The following GRIP1 variants were observed in gnomAD, a reference collection of about 807,000 sequenced individuals.
GRIP1 encodes glutamate receptor interacting protein 1, also known as glutamate receptor-interacting protein 1.
Under a neutral mutation model 129.9 loss-of-function variants are expected in GRIP1, and 45 were observed. The ratio of observed to expected loss-of-function variants is 0.35; its 90% confidence interval spans 0.27 to 0.44. GRIP1 has a LOEUF of 0.44. GRIP1 is among the 20% of genes least tolerant of loss of function. The probability of loss-of-function intolerance (pLI) is 1.00; values close to 1 mark genes in which losing one functional copy is unlikely to be tolerated. For missense variants in GRIP1, 1,196 were observed against 1,396.8 expected, an observed-to-expected ratio of 0.86 and a Z score of 2.29; for synonymous variants, 530 against 520.8, an observed-to-expected ratio of 1.02 and a Z score of -0.24.
intron 1 of GRIP1, among the ~76,000 whole-genome samples, chr12:66,659,110 A>G (rs1287674860): frequency 6.6e-6 from 1 of 152,140 alleles, no homozygotes; most frequent in African/African-American, 2.4e-5. Flanking sequence ...CTCTCTGTGT[A>G]GAATACTCTA....
At chr12:66,431,335 C>T (rs1226464948) in intron 14 of GRIP1, among the ~76,000 whole-genome samples, 1 of 152,086 alleles carries the variant, frequency 6.6e-6, no homozygotes, top group Non-Finnish European at 1.5e-5. Flanking sequence ...TACTTTTCTC[C>T]CACTAGGTCA....
At chr12:66,526,948 G>A (rs1375419366) in intron 5 of GRIP1, among the ~76,000 whole-genome samples, 1 of 137,130 alleles carries the variant, frequency 7.3e-6, no homozygotes, top group Admixed American at 7.1e-5. Context: ...CTGGCCATCA[G>A]AGAAATGCAA....
chr12:66,519,876 C>T (rs1028703524), intron 5 of GRIP1, among the ~76,000 whole-genome samples: 2 of 152,222 alleles, frequency 1.3e-5, no homozygotes, highest in African/African-American at 2.4e-5. Context: ...TGTAAAGCAA[C>T]TTCATGGCAG....
Position 66,515,749 on chromosome 12 carries a change from T to C in GRIP1, c.594A>G (p.Lys198=). 1 of 1,613,650 alleles carries C rather than the reference T, an allele frequency of 6.2e-7. No homozygotes were observed. The highest frequency in any genetic ancestry group is 2.2e-5 in the East Asian group (1 of 44,876). ...CCACACTGAGCAACCTGTCACCGGG[T>C]TTGATCGTGCCCTCTCTGAAGGGAG... ...GGPADREGTI[K]PGDRLLSVDG... Residue 198 remains lysine (K), a synonymous_variant, in exon 7 of 25, where the codon AAA becomes AAG. Coordinates refer to ENST00000359742, the MANE Select transcript of GRIP1 (RefSeq NM_001366722.1).
intron 1 of GRIP1, among the ~76,000 whole-genome samples, chr12:66,982,259 C>T (rs1001045370): frequency 2.6e-5 from 4 of 152,112 alleles, no homozygotes; most frequent in Non-Finnish European, 5.9e-5. Flanking sequence ...CCAATGTCTC[C>T]TTCTTGATTT....
intron 1 of GRIP1, among the ~76,000 whole-genome samples, chr12:66,692,363 G>T (rs922286729): frequency 1.3e-5 from 2 of 152,178 alleles, no homozygotes; most frequent in African/African-American, 4.8e-5. Flanking sequence ...TTTGAGTGGA[G>T]AATTAAGCTG....
At chr12:67,032,816 G>A (rs1053780303) in intron 1 of GRIP1, among the ~76,000 whole-genome samples, 5 of 152,034 alleles carry the variant, frequency 3.3e-5, no homozygotes, top group Non-Finnish European at 5.9e-5. Context: ...GAAGCAACAC[G>A]TATAATCTTA....
intron 1 of GRIP1, among the ~76,000 whole-genome samples, chr12:66,877,121 G>A (rs2040396927): frequency 6.6e-6 from 1 of 151,948 alleles, no homozygotes; most frequent in South Asian, 2.1e-4. Flanking sequence ...ATTGATATAA[G>A]GTCAATTACG....
At chr12:66,523,295 C>T (rs1409552467) in intron 5 of GRIP1, among the ~76,000 whole-genome samples, 1 of 149,872 alleles carries the variant, frequency 6.7e-6, no homozygotes, top group Non-Finnish European at 1.5e-5. Context: ...TCGGGTTACC[C>T]ACAAAGGGAA....
chr12:66,433,033 C>G (rs2058196195), intron 13 of GRIP1, among the ~76,000 whole-genome samples: 1 of 152,130 alleles, frequency 6.6e-6, no homozygotes, highest in Non-Finnish European at 1.5e-5. Context: ...CTATTATATT[C>G]TTTCCACCCC....
chr12:66,942,030 T>C (rs1644820686), intron 1 of GRIP1, among the ~76,000 whole-genome samples: 1 of 152,218 alleles, frequency 6.6e-6, no homozygotes. Flanking sequence ...TGTTATTATA[T>C]CTGCTAGCTT....
intron 1 of GRIP1, chr12:66,647,400 G>A (rs2032460000): frequency 6.6e-6 from 1 of 152,148 alleles, no homozygotes; most frequent in Non-Finnish European, 1.5e-5. Flanking sequence ...CATAAATTTT[G>A]CATCTGTGGA....
intron 7 of GRIP1, among the ~76,000 whole-genome samples, chr12:66,470,640 T>C (rs2059413038): frequency 6.6e-6 from 1 of 152,196 alleles, no homozygotes; most frequent in African/African-American, 2.4e-5. Context: ...GGGCAAATTA[T>C]GTTGACTGAC....
chr12:67,059,268 GAAGGTCACAAACCAC>G (rs1398856106), intron 1 of GRIP1, among the ~76,000 whole-genome samples: 35 of 152,232 alleles, frequency 2.3e-4, no homozygotes, highest in Admixed American at 2.3e-3. Flanking sequence ...GGCCTCGGTA[GAAGGTCACAAACCAC>G]AAGGATCTCA....
intron 4 of GRIP1, among the ~76,000 whole-genome samples, chr12:66,534,528 G>T (rs555988124): frequency 6.6e-6 from 1 of 152,170 alleles, no homozygotes; most frequent in South Asian, 2.1e-4. Context: ...CAACAATATG[G>T]CTTATAAGGC....
chr12:66,445,942 G>A (rs1397618335), intron 11 of GRIP1, among the ~76,000 whole-genome samples: 1 of 152,064 alleles, frequency 6.6e-6, no homozygotes, highest in African/African-American at 2.4e-5. Flanking sequence ...TTGCATCTGG[G>A]CTTTGTGACT....
intron 6 of GRIP1, among the ~76,000 whole-genome samples, chr12:66,516,652 A>G (rs1422257207): frequency 6.6e-6 from 1 of 152,108 alleles, no homozygotes; most frequent in Non-Finnish European, 1.5e-5. Context: ...GTCAACTCCA[A>G]CTCTAAATGT....
intron 1 of GRIP1, among the ~76,000 whole-genome samples, chr12:66,624,925 C>A (rs919906671): frequency 1.3e-5 from 2 of 151,600 alleles, no homozygotes; most frequent in African/African-American, 4.8e-5. Flanking sequence ...TGGGTTTTGC[C>A]ATGTTTTAAA....
chr12:66,429,597 A>G (rs751635838), intron 14 of GRIP1, among the ~76,000 whole-genome samples: 1 of 152,056 alleles, frequency 6.6e-6, no homozygotes, highest in African/African-American at 2.4e-5. Context: ...TTGGGAGGTT[A>G]AAGTGGGAGG....
Sources: allele counts gnomAD v4.1 joint callset (sites outside exome capture counted in the v4.1 genomes callset), GRCh38; gene constraint gnomAD v4.1.1; transcripts MANE v1.5; gene names NCBI Gene and HGNC (gene_info 2026-07-23, HGNC 2026-07-21).